RNF150: variants seen among roughly 807,000 people sequenced by gnomAD.
RNF150 encodes the protein ring finger protein 150.
A neutral mutation model predicts 39.3 loss-of-function variants in RNF150; 24 were observed. The observed-to-expected ratio is 0.61, with a 90% CI of 0.44 to 0.86. The LOEUF is 0.86. RNF150 is among the 40% of genes least tolerant of loss of function. The pLI, the probability that RNF150 is intolerant of heterozygous loss-of-function variation, is 0.00. For missense variants in RNF150, 502 were observed against 587.8 expected (o/e 0.85, Z 1.51); for synonymous variants, 255 against 227.3 (o/e 1.12, Z -1.10).
intron 1 of RNF150, among the ~76,000 whole-genome samples, chr4:141,203,225 A>G (rs1355369583): frequency 1.4e-5 from 1 of 70,256 alleles, no homozygotes. Context: ...GACGATATAT[A>G]TATCTTGGAG....
In RNF150 at chr4:140,967,741, C is replaced by A; in HGVS notation, c.617G>T (p.Arg206Leu). Residue 206 changes from arginine (R) to leucine (L), a missense_variant, in exon 2 of 7, where the codon CGC becomes CTC. By Grantham distance (102) the Arg-to-Leu change is moderately radical. Transcript: ENST00000515673. ...GTRNLQKYVS[R>L]TSVVFVSISF... ...GATGGAGACAAACACAACCGAAGTG[C>A]GGCTCACATATTTCTGCAAGTTCCG... The A allele has an allele frequency of 1.2e-6, 2 of 1,613,502 alleles. No homozygotes were observed. The highest frequency in any genetic ancestry group is 1.3e-5 in the African/African-American group (1 of 74,966).
chr4:140,912,601 G>C (rs1490406031), intron 5 of RNF150, among the ~76,000 whole-genome samples: 1 of 152,172 alleles, frequency 6.6e-6, no homozygotes, highest in Non-Finnish European at 1.5e-5. Flanking sequence ...TGTTGTCCTA[G>C]TGTTGTGCTC....
chr4:141,012,976 T>C lies in RNF150; in HGVS notation c.485-45103A>G, dbSNP rs552846185. 2.0e-5 allele frequency among the ~76,000 whole-genome samples: 3 copies of C among 152,122 alleles called. No homozygotes were observed. The East Asian group carries it at 5.8e-4, about 29-fold the overall frequency. On this transcript the variant is annotated intron_variant, in intron 1 of 6. Coordinates refer to ENST00000515673, the MANE Select transcript of RNF150 (RefSeq NM_020724.2). The stretch of plus-strand genomic sequence containing the variant: ...TTTTCATCAGTCCTAGAAAACCAAA[T>C]GCAACCATTGGCCCTTCTCTGAATC...
intron 1 of RNF150, among the ~76,000 whole-genome samples, chr4:141,119,937 T>C (rs1034551917): frequency 6.6e-6 from 1 of 152,228 alleles, no homozygotes; most frequent in African/African-American, 2.4e-5. Context: ...TTACCTTCCA[T>C]ACCTTCAATA....
intron 2 of RNF150, among the ~76,000 whole-genome samples, chr4:140,962,050 ATC>A (rs894778704): frequency 8.1e-6 from 1 of 122,956 alleles, no homozygotes; most frequent in African/African-American, 2.8e-5. Flanking sequence ...TCTGATTAAC[ATC>A]TCTCTCTCTC....
chr4:141,154,216 ACT>A (rs1197328207), intron 1 of RNF150, among the ~76,000 whole-genome samples: 1 of 152,084 alleles, frequency 6.6e-6, no homozygotes, highest in Non-Finnish European at 1.5e-5. Context: ...AAGCAGAAAG[ACT>A]CTGTGTCCAG....
At chr4:140,882,859 T>C (rs986231777) in intron 6 of RNF150, among the ~76,000 whole-genome samples, 2 of 152,182 alleles carry the variant, frequency 1.3e-5, no homozygotes, top group African/African-American at 2.4e-5. Context: ...TTGTTTTTCA[T>C]TTATTTAGTC....
chr4:140,896,713 CA>C (rs1203747083), intron 6 of RNF150, among the ~76,000 whole-genome samples: 2 of 55,976 alleles, frequency 3.6e-5, no homozygotes, highest in African/African-American at 1.3e-4. Context: ...AAAAAACAAA[CA>C]AACAAACAAA....
intron 4 of RNF150, among the ~76,000 whole-genome samples, chr4:140,929,766 T>A (rs1028530823): frequency 6.6e-6 from 1 of 152,090 alleles, no homozygotes; most frequent in Admixed American, 6.5e-5. Flanking sequence ...GTAGATGTGG[T>A]TAATATCTAC....
At chr4:141,093,023 T>C (rs200435940) in intron 1 of RNF150, among the ~76,000 whole-genome samples, 7 of 151,772 alleles carry the variant, frequency 4.6e-5, no homozygotes, top group Non-Finnish European at 1.0e-4. Context: ...GCCAGACCCA[T>C]GGGGGAAAGA....
chr4:140,980,745 G>T (rs535617404), intron 1 of RNF150, among the ~76,000 whole-genome samples: 27 of 152,216 alleles, frequency 1.8e-4, no homozygotes, highest in African/African-American at 6.0e-4. Flanking sequence ...CCGCATGATT[G>T]TAAGTTTCCT....
At chr4:140,923,263 C>G (rs1297754112) in intron 5 of RNF150, among the ~76,000 whole-genome samples, 1 of 152,040 alleles carries the variant, frequency 6.6e-6, no homozygotes, top group Non-Finnish European at 1.5e-5. Context: ...TGAACTCAAA[C>G]AAATTTACAA....
Position 141,132,636 on chromosome 4 carries a change from C to T in RNF150, c.173G>A (p.Gly58Glu), listed in dbSNP as rs1726929195. Reference protein sequence around the residue: ...YAEPAPDPGAGAAGGGGAELH... With the variant: ...YAEPAPDPGAEAAGGGGAELH... ...CTCCGCGCCGCCGCCGCCCGCCGCC[C>T]CGGCCCCGGGGTCCGGCGCGGGCTC... is the stretch of plus-strand genomic sequence containing the variant. The change falls in exon 1 of 7, where the codon GGG becomes GAG. Residue 58 changes from glycine to glutamate, a missense_variant. Transcript: ENST00000515673. The surrounding 1 kb of genome is among the most constrained non-coding windows in gnomAD (Gnocchi z 4.9). The T allele has an allele frequency of 6.3e-7, 1 of 1,586,434 alleles. No homozygotes were observed. Among genetic ancestry groups the T allele is most frequent in the African/African-American group, 1.4e-5 (1 of 72,676 alleles).
In RNF150 at chr4:140,868,033, A is replaced by G; in HGVS notation, c.*228T>C. 2.1e-6 allele frequency: 1 copy of G among 480,544 alleles called. No individual in the cohort carries two copies. The highest frequency in any genetic ancestry group is 3.7e-6 in the Non-Finnish European group (1 of 272,562). 29.8% of individuals were successfully genotyped at this position (480,544 alleles called of 1,614,324 possible). A position where few individuals can be genotyped will look rare whatever the true frequency, so the allele number is the denominator to read the frequency against. On this transcript the variant is annotated 3_prime_UTR_variant, in exon 7 of 7. Coordinates refer to ENST00000515673, the MANE Select transcript of RNF150 (RefSeq NM_020724.2). ...CTACATGGACATAGGAGTGGAAATC[A>G]GCTTTCAACTTCCCAGCTGCCAAGG...
At chr4:140,956,993 G>T (rs1443466542) in intron 2 of RNF150, among the ~76,000 whole-genome samples, 1 of 149,694 alleles carries the variant, frequency 6.7e-6, no homozygotes, top group South Asian at 2.2e-4. Context: ...ACATAGGCAT[G>T]GGCAAGGACT....
intron 2 of RNF150, among the ~76,000 whole-genome samples, chr4:140,960,051 C>T (rs1382223110): frequency 6.6e-6 from 1 of 152,136 alleles, no homozygotes; most frequent in African/African-American, 2.4e-5. Flanking sequence ...ACCTACCTGG[C>T]ATCTCTGCTT....
At chr4:141,037,405 A>G (rs1370325703) in intron 1 of RNF150, among the ~76,000 whole-genome samples, 1 of 152,210 alleles carries the variant, frequency 6.6e-6, no homozygotes, top group Non-Finnish European at 1.5e-5. Context: ...GCTAATAACA[A>G]TAAGAAGAAT....
chr4:141,077,811 G>A (rs747506524), intron 1 of RNF150, among the ~76,000 whole-genome samples: 6 of 152,222 alleles, frequency 3.9e-5, no homozygotes, highest in Non-Finnish European at 8.8e-5. Context: ...CATGCTGAAG[G>A]CAGATTATCA....
chr4:140,896,130 G>A (rs1185313372), intron 6 of RNF150, among the ~76,000 whole-genome samples: 4 of 88,580 alleles, frequency 4.5e-5, no homozygotes, highest in Admixed American at 1.3e-4. Flanking sequence ...TCAGTGTGGC[G>A]ATTCCTCAGG....
Sources: gnomAD v4.1 joint callset for allele counts (sites outside exome capture counted in the v4.1 genomes callset) on GRCh38, gnomAD v4.1.1 for gene constraint, Gnocchi (gnomAD v3.1) non-coding constraint, MANE v1.5 for transcripts, NCBI Gene and HGNC (gene_info 2026-07-23, HGNC 2026-07-21) for gene names.